MARK2: variants seen among roughly 807,000 people sequenced by gnomAD.
The protein encoded by MARK2 is microtubule affinity regulating kinase 2.
Under a neutral mutation model 89.8 loss-of-function variants are expected in MARK2, and 16 were observed. The ratio of observed to expected loss-of-function variants is 0.18; its 90% CI spans 0.12 to 0.27. MARK2 has a LOEUF of 0.27. Ranked by LOEUF, MARK2 falls within the 10% of genes least tolerant of loss-of-function variation. The pLI, the probability that MARK2 is intolerant of heterozygous loss-of-function variation, is 1.00. For missense variants in MARK2, 621 were observed against 1,049.9 expected, an observed-to-expected ratio of 0.59 and a Z score of 5.65; for synonymous variants, 382 against 399.5, an observed-to-expected ratio of 0.96 and a Z score of 0.52.
Position 63,904,459 on chromosome 11 carries a change from A to G in MARK2, c.1676+312A>G, listed in dbSNP as rs1941160367. Among the ~76,000 whole-genome samples, 2 of 151,980 alleles carry G rather than the reference A, an allele frequency of 1.3e-5. No individual in the cohort carries two copies. Among genetic ancestry groups the G allele is most frequent in the Admixed American group, 1.3e-4 (2 of 15,264 alleles). On this transcript the variant is annotated intron_variant, in intron 15 of 18. Coordinates refer to ENST00000402010, the MANE Select transcript of MARK2 (RefSeq NM_001039469.3). The surrounding 1 kb of genome is among the most constrained non-coding windows in gnomAD (Gnocchi z 6.3). ...GGATAGTCGGCATCACAGGGACTCAATCCTCAAGGGTTGGTCCCCATTGCC... is the reference window on the plus strand; with the variant it reads ...GGATAGTCGGCATCACAGGGACTCAGTCCTCAAGGGTTGGTCCCCATTGCC...
chr11:63,856,445 CAG>C (rs1332976535), intron 1 of MARK2, among the ~76,000 whole-genome samples: 1 of 148,982 alleles, frequency 6.7e-6, no homozygotes, highest in East Asian at 2.0e-4. Context: ...TATTTTGAAA[CAG>C]AGTCTTACTC....
chr11:63,910,787 CCTA>C lies in MARK2; in HGVS notation c.*1553_*1555del, dbSNP rs1200348661. On this transcript the variant is annotated 3_prime_UTR_variant, in exon 19 of 19. Transcript: ENST00000402010. ...AACCTCAGCCCTCCTGCCCCACACT[CCTA>C]CTGCGGCTCAGACCAAGGGCTCCCC... is the stretch of plus-strand genomic sequence containing the variant. 5 of 152,288 alleles carry C rather than the reference CCTA, an allele frequency of 3.3e-5. No individual in the cohort carries two copies. Among genetic ancestry groups the C allele is most frequent in the African/African-American group, 1.2e-4 (5 of 41,470 alleles). The allele number at this position is 152,288 out of a possible 1,614,324, so 9.4% of individuals were successfully genotyped here.
At chr11:63,868,655 C>T (rs1938267036) in intron 1 of MARK2, 1 of 402,060 alleles carries the variant, frequency 2.5e-6, no homozygotes, top group African/African-American at 2.0e-5. Flanking sequence ...GAGCCAAGCC[C>T]TCCTGGCTTT....
rs11231634 is a variant in MARK2, at chr11:63,895,756, G to A, written c.288+123G>A. Reference sequence around the variant, plus strand: ...GTGATCTCGGCTCACTGCAACCTCCGCCTTTTGGTTTCAAGCGATTCTCCC... The same window carrying A: ...GTGATCTCGGCTCACTGCAACCTCCACCTTTTGGTTTCAAGCGATTCTCCC... On this transcript the variant is annotated intron_variant, in intron 3 of 18. Transcript: ENST00000402010. 0.029 allele frequency: 24,659 copies of A among 863,416 alleles called. 3,665 individuals are homozygous for A. The African/African-American group carries it at 0.37, about 13-fold the overall frequency. 53.5% of individuals were successfully genotyped at this position (863,416 alleles called of 1,614,324 possible). A position where few individuals can be genotyped will look rare whatever the true frequency, so the allele number is the denominator to read the frequency against.
intron 2 of MARK2, 71 bp downstream of exon 2, chr11:63,895,409 C>A: frequency 6.6e-7 from 1 of 1,523,670 alleles, no homozygotes; most frequent in Non-Finnish European, 9.1e-7. Flanking sequence ...GGTGATGGGA[C>A]TACTACTGCA....
chr11:63,849,148 A>G (rs1457217898), intron 1 of MARK2, among the ~76,000 whole-genome samples: 1 of 152,154 alleles, frequency 6.6e-6, no homozygotes, highest in Non-Finnish European at 1.5e-5. Context: ...CTGGGACTAC[A>G]GGTCACACCT....
intron 16 of MARK2, 145 bp from the exon 17 acceptor site, chr11:63,905,942 CT>C: frequency 1.9e-6 from 1 of 528,364 alleles, no homozygotes; most frequent in Non-Finnish European, 3.0e-6. Flanking sequence ...GCCTGGGACT[CT>C]AGTCTCGCTG....
Position 63,904,765 on chromosome 11 carries a change from AC to A in MARK2, c.1677-17del. ...CCTGTACCCTAATTCGTCCCCCTCA[AC>A]CCCACTTCTCTTCCCACAGCACAGC... On this transcript the variant is annotated intron_variant, in intron 15 of 18. Coordinates refer to ENST00000402010, the MANE Select transcript of MARK2 (RefSeq NM_001039469.3). The surrounding 1 kb of genome is among the most constrained non-coding windows in gnomAD (Gnocchi z 6.3). 6.2e-7 allele frequency: 1 copy of A among 1,608,962 alleles called. No individual in the cohort carries two copies. The highest frequency in any genetic ancestry group is 8.5e-7 in the Non-Finnish European group (1 of 1,176,676).
At chr11:63,889,689 A>G (rs2135310479) in intron 1 of MARK2, among the ~76,000 whole-genome samples, 1 of 152,350 alleles carries the variant, frequency 6.6e-6, no homozygotes, top group Non-Finnish European at 1.5e-5. Context: ...GCAGACCCCA[A>G]AGCTGTTTCA....
rs542267917 is a variant in MARK2 at position 63,865,418 on chromosome 11, A to G, written c.54+25858A>G. On this transcript the variant is annotated intron_variant, in intron 1 of 18. Coordinates refer to ENST00000402010, the MANE Select transcript of MARK2 (RefSeq NM_001039469.3). ...GTTAAGAGTGGAAAAGCCAAGGTCCATGTACTTTTTTTGAGAAAGACAGCC... is the reference window on the plus strand; with the variant it reads ...GTTAAGAGTGGAAAAGCCAAGGTCCGTGTACTTTTTTTGAGAAAGACAGCC... Among the ~76,000 whole-genome samples, 26 of 152,298 alleles carry G rather than the reference A, an allele frequency of 1.7e-4. No homozygotes were observed. In the East Asian group the frequency reaches 5.0e-3, roughly 29 times the overall value.
intron 1 of MARK2, among the ~76,000 whole-genome samples, chr11:63,867,420 A>G (rs1938198480): frequency 6.6e-6 from 1 of 152,238 alleles, no homozygotes; most frequent in Non-Finnish European, 1.5e-5. Flanking sequence ...GGAAAAATAT[A>G]TAAGTGTGCC....
intron 1 of MARK2, among the ~76,000 whole-genome samples, chr11:63,884,110 A>G (rs142634087): frequency 3.3e-5 from 5 of 152,300 alleles, no homozygotes; most frequent in East Asian, 3.9e-4. Flanking sequence ...GAGCTTTGCA[A>G]CTGGAGCCAG....
chr11:63,870,541 G>A (rs533080198), intron 1 of MARK2, among the ~76,000 whole-genome samples: 25 of 152,246 alleles, frequency 1.6e-4, no homozygotes, highest in African/African-American at 5.8e-4. Flanking sequence ...CATTTCTGGA[G>A]AGCCTGTTAG....
At chr11:63,883,486 G>A (rs933713841) in intron 1 of MARK2, among the ~76,000 whole-genome samples, 4 of 152,112 alleles carry the variant, frequency 2.6e-5, no homozygotes, top group African/African-American at 9.7e-5. Flanking sequence ...GGGAAACAAT[G>A]GTTCCTACCC....
chr11:63,903,315 A>G lies in MARK2; in HGVS notation c.1514+157A>G, dbSNP rs11231636. The G allele has an allele frequency of 1.3e-5, 8 of 627,010 alleles. No individual in the cohort carries two copies. Among genetic ancestry groups the G allele is most frequent in the East Asian group, 5.5e-5 (2 of 36,056 alleles). 38.8% of individuals were successfully genotyped at this position (627,010 alleles called of 1,614,324 possible). A position where few individuals can be genotyped will look rare whatever the true frequency, so the allele number is the denominator to read the frequency against. The stretch of plus-strand genomic sequence containing the variant: ...GTCCAGTCCAGCTTTCCCCTCCCCT[A>G]TTCCACGCCATTGCCTCCTCCCCAT... On this transcript the variant is annotated intron_variant, in intron 14 of 18. Transcript: ENST00000402010. This position sits in a 1 kb window ranked among gnomAD's most constrained non-coding sequence, Gnocchi z 5.1.
intron 1 of MARK2, among the ~76,000 whole-genome samples, chr11:63,846,363 A>AG (rs1554972543): frequency 9.3e-5 from 14 of 150,680 alleles, no homozygotes; most frequent in African/African-American, 2.2e-4. Flanking sequence ...CAAAAAAAAA[A>AG]TTTTTTTTTT....
chr11:63,903,097 A>C lies in MARK2; in HGVS notation c.1453A>C (p.Asn485His). ...VLSTSTNRSR[N>H]SPLLERASLG... ...CTCCACCAGCACAAATCGAAGCAGGAATTCCCCACTTTTGGAGCGGGCCAG... is the reference window on the plus strand; with the variant it reads ...CTCCACCAGCACAAATCGAAGCAGGCATTCCCCACTTTTGGAGCGGGCCAG... The change falls in exon 14 of 19, where the codon AAT (asparagine) becomes CAT (histidine). Residue 485 changes from asparagine (N) to histidine (H), a missense_variant. By Grantham distance (68) the Asn-to-His change is moderately conservative. This residue lies in a region of MARK2 where 397 missense variants were observed against 567.8 expected (regional missense o/e 0.70). Coordinates refer to ENST00000402010, the MANE Select transcript of MARK2 (RefSeq NM_001039469.3). The surrounding 1 kb of genome is among the most constrained non-coding windows in gnomAD (Gnocchi z 5.1). 6.2e-7 allele frequency: 1 copy of C among 1,614,078 alleles called. No individual in the cohort carries two copies. Among genetic ancestry groups the C allele is most frequent in the South Asian group, 1.1e-5 (1 of 91,084 alleles).
chr11:63,901,116 T>TGTAG, intron 11 of MARK2, 47 bp downstream of exon 11: 1 of 1,250,786 alleles, frequency 8.0e-7, no homozygotes, highest in Admixed American at 1.7e-5. Flanking sequence ...CCTCACTGTC[T>TGTAG]GTAGCACCTA....
At chr11:63,840,134 G>T (rs1324120371) in intron 1 of MARK2, among the ~76,000 whole-genome samples, 6 of 152,054 alleles carry the variant, frequency 3.9e-5, no homozygotes, top group Non-Finnish European at 7.4e-5. Flanking sequence ...TCTCCCTCTT[G>T]CTTGCAACCC....
Sources: gnomAD v4.1 joint callset for allele counts (sites outside exome capture counted in the v4.1 genomes callset) on GRCh38, gnomAD v4.1.1 for gene constraint, gnomAD v4.1.1 regional missense constraint, Gnocchi (gnomAD v3.1) non-coding constraint, MANE v1.5 for transcripts, NCBI Gene and HGNC (gene_info 2026-07-23, HGNC 2026-07-21) for gene names.